Variants in ZFPM2 observed in about 807,000 individuals in gnomAD.
ZFPM2 encodes zinc finger protein ZFPM2.
ZFPM2 carries 20 observed loss-of-function variants against 98.6 expected under a neutral mutation model. That is an observed-to-expected ratio of 0.20 (90% CI 0.14 to 0.29). The LOEUF is 0.29. Ranked by LOEUF, ZFPM2 falls within the 10% of genes least tolerant of loss-of-function variation. The pLI is 1.00. For synonymous variants in ZFPM2, 518 were observed against 502.7 expected (o/e 1.03, Z -0.41); for missense variants, 1,310 against 1,388.6 (o/e 0.94, Z 0.90).
intron 5 of ZFPM2, among the ~76,000 whole-genome samples, chr8:105,662,192 T>C (rs1267434245): frequency 6.6e-6 from 1 of 152,068 alleles, no homozygotes; most frequent in Non-Finnish European, 1.5e-5. Flanking sequence ...CACCCACTGA[T>C]GCAGGAGGAA....
At chr8:105,606,746 A>G (rs948561162) in intron 4 of ZFPM2, among the ~76,000 whole-genome samples, 1 of 152,104 alleles carries the variant, frequency 6.6e-6, no homozygotes, top group Non-Finnish European at 1.5e-5. Context: ...AAATAACACA[A>G]TGTGGGAGCT....
At chr8:105,548,092 A>C (rs567823515) in intron 3 of ZFPM2, among the ~76,000 whole-genome samples, 159 of 152,158 alleles carry the variant, frequency 1.0e-3, no homozygotes, top group Non-Finnish European at 2.0e-3. Flanking sequence ...TCACACCATT[A>C]GTTCTGAATG....
At chr8:105,639,638 A>T (rs1489239145) in intron 5 of ZFPM2, among the ~76,000 whole-genome samples, 3 of 152,098 alleles carry the variant, frequency 2.0e-5, no homozygotes, top group Non-Finnish European at 4.4e-5. Flanking sequence ...ATTTTTGTGA[A>T]GCACCCATTT....
At chr8:105,348,563 A>T (rs1250659795) in intron 1 of ZFPM2, among the ~76,000 whole-genome samples, 3 of 152,228 alleles carry the variant, frequency 2.0e-5, no homozygotes, top group African/African-American at 7.2e-5. Context: ...CTTATAAGAA[A>T]TGTAAAGAAG....
chr8:105,727,162 T>G (rs1346751407), intron 5 of ZFPM2, among the ~76,000 whole-genome samples: 1 of 151,498 alleles, frequency 6.6e-6, no homozygotes, highest in Non-Finnish European at 1.5e-5. Context: ...TTGACTTTTT[T>G]TTTTTCTAAG....
In ZFPM2 at chr8:105,389,832, T is replaced by C. The variant is rs114974543; in HGVS notation, c.41-29312T>C. ...AGCATGTAGTGGGGATTTGAAAAGATAGATCCAGGAAAAAGGAAGCGCAGT... is the reference window on the plus strand; with the variant it reads ...AGCATGTAGTGGGGATTTGAAAAGACAGATCCAGGAAAAAGGAAGCGCAGT... On this transcript the variant is annotated intron_variant, in intron 1 of 7. Coordinates refer to ENST00000407775, the MANE Select transcript of ZFPM2 (RefSeq NM_012082.4). 1.6e-3 allele frequency among the ~76,000 whole-genome samples: 239 copies of C among 152,206 alleles called. 1 individual carries two copies. The highest frequency in any genetic ancestry group is 5.5e-3 in the African/African-American group (230 of 41,520).
At chr8:105,571,494 A>G (rs890003724) in intron 4 of ZFPM2, among the ~76,000 whole-genome samples, 1 of 152,244 alleles carries the variant, frequency 6.6e-6, no homozygotes, top group African/African-American at 2.4e-5. Context: ...GGAGTTGACC[A>G]AACTGTCCTC....
intron 5 of ZFPM2, among the ~76,000 whole-genome samples, chr8:105,779,392 G>A (rs548357513): frequency 6.6e-5 from 10 of 152,246 alleles, no homozygotes; most frequent in South Asian, 6.2e-4. Context: ...GAAAGCAAGC[G>A]TCTATCAATC....
intron 5 of ZFPM2, among the ~76,000 whole-genome samples, chr8:105,728,446 C>T (rs1183539140): frequency 4.0e-5 from 6 of 151,818 alleles, no homozygotes; most frequent in East Asian, 3.9e-4. Flanking sequence ...CTATCTGGAA[C>T]GATGCTTATC....
In ZFPM2 at chr8:105,801,448, A is replaced by T. The variant is rs1554583012; in HGVS notation, c.1366A>T (p.Ile456Leu). Reference sequence around the variant, plus strand: ...CTTTCTCACGAACCAGAGACCAGAGATACAGCCTACAACAAATAAACAAAG... The same window carrying T: ...CTTTCTCACGAACCAGAGACCAGAGTTACAGCCTACAACAAATAAACAAAG... Reference protein sequence around the residue: ...QLFLTNQRPEIQPTTNKQSFS... With the variant: ...QLFLTNQRPELQPTTNKQSFS... The change falls in exon 8 of 8, where the codon ATA becomes TTA. Residue 456 changes from isoleucine to leucine, a missense_variant. Ile to Leu is a conservative substitution (Grantham distance 5). Transcript: ENST00000407775. The T allele has an allele frequency of 6.2e-7, 1 of 1,613,940 alleles. No individual in the cohort carries two copies. The highest frequency in any genetic ancestry group is 8.5e-7 in the Non-Finnish European group (1 of 1,179,876).
chr8:105,494,403 G>A (rs1276860877), intron 3 of ZFPM2, among the ~76,000 whole-genome samples: 1 of 151,260 alleles, frequency 6.6e-6, no homozygotes. Flanking sequence ...TGCAGACGTT[G>A]TCTCTCTCCT....
At chr8:105,630,720 T>G (rs1238019411) in intron 4 of ZFPM2, among the ~76,000 whole-genome samples, 1 of 152,166 alleles carries the variant, frequency 6.6e-6, no homozygotes, top group Non-Finnish European at 1.5e-5. Context: ...CTTAATTTGC[T>G]TATGTAGAAA....
At chr8:105,608,972 C>T (rs1156864003) in intron 4 of ZFPM2, among the ~76,000 whole-genome samples, 1 of 151,680 alleles carries the variant, frequency 6.6e-6, no homozygotes, top group African/African-American at 2.4e-5. Flanking sequence ...ATGATAAAAA[C>T]TAGAAGACTG....
chr8:105,363,734 C>T (rs1810451602), intron 1 of ZFPM2, among the ~76,000 whole-genome samples: 1 of 151,666 alleles, frequency 6.6e-6, no homozygotes, highest in South Asian at 2.1e-4. Flanking sequence ...CTTAGGAATG[C>T]TAAGTTTGGG....
intron 1 of ZFPM2, among the ~76,000 whole-genome samples, chr8:105,400,350 T>C (rs1204718137): frequency 1.3e-5 from 2 of 152,138 alleles, no homozygotes; most frequent in Non-Finnish European, 2.9e-5. Context: ...GCCATGCTGG[T>C]GCACTGCACC....
At chr8:105,385,873 G>A (rs1810978574) in intron 1 of ZFPM2, among the ~76,000 whole-genome samples, 1 of 152,110 alleles carries the variant, frequency 6.6e-6, no homozygotes, top group Non-Finnish European at 1.5e-5. Flanking sequence ...GGCACATAGG[G>A]AAGAATGGTG....
chr8:105,572,536 C>T (rs1183672008), intron 4 of ZFPM2, among the ~76,000 whole-genome samples: 5 of 151,950 alleles, frequency 3.3e-5, no homozygotes, highest in African/African-American at 9.7e-5. Context: ...GGCGTGATCT[C>T]AGTTCACCAC....
intron 5 of ZFPM2, among the ~76,000 whole-genome samples, chr8:105,710,164 T>C (rs1452649879): frequency 1.3e-5 from 2 of 152,140 alleles, no homozygotes; most frequent in African/African-American, 4.8e-5. Context: ...GTGAAGTAAT[T>C]GGCATAAATA....
At chr8:105,381,599 G>A (rs945717031) in intron 1 of ZFPM2, among the ~76,000 whole-genome samples, 1 of 152,096 alleles carries the variant, frequency 6.6e-6, no homozygotes, top group African/African-American at 2.4e-5. Context: ...ATTGCAGTGG[G>A]TCAGGAAACA....
Sources: gnomAD v4.1 joint callset for allele counts (sites outside exome capture counted in the v4.1 genomes callset) on GRCh38, gnomAD v4.1.1 for gene constraint, MANE v1.5 for transcripts, NCBI Gene and HGNC (gene_info 2026-07-23, HGNC 2026-07-21) for gene names.